Variants in SYN3 observed in about 807,000 individuals in gnomAD.
SYN3 encodes synapsin III.
SYN3 carries 35 observed loss-of-function variants against 65.8 expected under a neutral mutation model. That is an observed-to-expected ratio of 0.53 (90% CI 0.41 to 0.70). SYN3 has a LOEUF of 0.70. SYN3 is among the 30% of genes least tolerant of loss of function. The pLI is 0.00. For synonymous variants in SYN3, 270 were observed against 292.9 expected (o/e 0.92, Z 0.80); for missense variants, 680 against 749.0 (o/e 0.91, Z 1.08).
At chr22:32,612,721 A>C (rs1448962550) in intron 6 of SYN3, among the ~76,000 whole-genome samples, 2 of 152,298 alleles carry the variant, frequency 1.3e-5, no homozygotes, top group East Asian at 3.9e-4. Flanking sequence ...ACATGCCTGT[A>C]GTCCCAGCCA....
chr22:32,653,662 A>G (rs971184448), intron 6 of SYN3, among the ~76,000 whole-genome samples: 2 of 152,158 alleles, frequency 1.3e-5, no homozygotes, highest in African/African-American at 4.8e-5. Context: ...GTTGGGGGTC[A>G]GGAGGTAGGA....
In SYN3 at chr22:32,807,414, AC is replaced by A. The variant is rs1242300363; in HGVS notation, c.711+57500del. On this transcript the variant is annotated intron_variant, in intron 6 of 13. Transcript: ENST00000358763. ...TATATAATATATATATATTATATTT[AC>A]ATATATATTATATATATAATATATA... 1.4e-3 allele frequency among the ~76,000 whole-genome samples: 164 copies of A among 115,468 alleles called. 3 individuals carry two copies. In the East Asian group the frequency reaches 0.023, roughly 16 times the overall value. The allele number at this position is 115,468 out of a possible 152,430, so 75.8% of individuals were successfully genotyped here.
intron 6 of SYN3, among the ~76,000 whole-genome samples, chr22:32,613,677 G>A (rs2059477443): frequency 6.6e-6 from 1 of 152,190 alleles, no homozygotes; most frequent in South Asian, 2.1e-4. Flanking sequence ...ACAGATTGCC[G>A]AGAGCTCTGT....
At chr22:32,698,652 T>C (rs975543316) in intron 6 of SYN3, among the ~76,000 whole-genome samples, 6 of 152,348 alleles carry the variant, frequency 3.9e-5, no homozygotes, top group African/African-American at 1.4e-4. Flanking sequence ...TGGTGGATTA[T>C]TAGTTCTGTT....
chr22:32,604,256 G>T (rs1272782489), intron 6 of SYN3, among the ~76,000 whole-genome samples: 2 of 152,194 alleles, frequency 1.3e-5, no homozygotes, highest in Non-Finnish European at 2.9e-5. Context: ...ACTGAAGTCT[G>T]GGAAGACTTC....
intron 7 of SYN3, among the ~76,000 whole-genome samples, chr22:32,550,337 G>C (rs1454055635): frequency 6.9e-6 from 1 of 145,304 alleles, no homozygotes; most frequent in African/African-American, 2.6e-5. Flanking sequence ...GCACATGGTA[G>C]ATGTTCTATA....
intron 6 of SYN3, among the ~76,000 whole-genome samples, chr22:32,772,753 G>C (rs534418586): frequency 6.6e-6 from 1 of 152,234 alleles, no homozygotes; most frequent in South Asian, 2.1e-4. Context: ...CTGCAAGTCC[G>C]GGAATACTTG....
intron 4 of SYN3, among the ~76,000 whole-genome samples, chr22:32,886,317 C>T (rs570811963): frequency 1.3e-5 from 2 of 152,268 alleles, no homozygotes; most frequent in African/African-American, 4.8e-5. Context: ...TCTAGCTCTC[C>T]AAGCCTTGCG....
At chr22:32,961,922 C>A (rs1465135766) in intron 3 of SYN3, among the ~76,000 whole-genome samples, 1 of 152,150 alleles carries the variant, frequency 6.6e-6, no homozygotes, top group East Asian at 1.9e-4. Context: ...GAACCTTGAA[C>A]CACTCCCTTG....
chr22:32,814,316 AC>A (rs1204224711), intron 6 of SYN3, among the ~76,000 whole-genome samples: 1 of 5,396 alleles, frequency 1.9e-4, no homozygotes, highest in African/African-American at 5.4e-4. Flanking sequence ...AGAGAGAGAG[AC>A]AGAAAGAAAG....
rs552312629 is a variant in SYN3 at position 32,814,317 on chromosome 22, CAGAA to C, written c.711+50594_711+50597del. Among the ~76,000 whole-genome samples, 78 of 43,704 alleles carry C rather than the reference CAGAA, an allele frequency of 1.8e-3. 1 individual carries two copies. Among genetic ancestry groups the C allele is most frequent in the African/African-American group, 6.2e-3 (59 of 9,456 alleles). The allele number at this position is 43,704 out of a possible 152,430, so 28.7% of individuals were successfully genotyped here. ...GGAAGGAAGGAGAGAGAGAGAGAGACAGAAAGAAAGAAAGAAAGAAAGAGAAAGA... is the reference window on the plus strand; with the variant it reads ...GGAAGGAAGGAGAGAGAGAGAGAGACAGAAAGAAAGAAAGAAAGAGAAAGA... On this transcript the variant is annotated intron_variant, in intron 6 of 13. Coordinates refer to ENST00000358763, the MANE Select transcript of SYN3 (RefSeq NM_003490.4).
chr22:32,747,306 A>AAAACAAAACAAAACT, intron 6 of SYN3, among the ~76,000 whole-genome samples: 1 of 18,586 alleles, frequency 5.4e-5, no homozygotes, highest in Non-Finnish European at 1.4e-4. Flanking sequence ...TCCAAGACCA[A>AAAACAAAACAAAACT]AAACAAAACA....
At chr22:33,044,969 A>G (rs1262193638) in intron 1 of SYN3, among the ~76,000 whole-genome samples, 1 of 151,640 alleles carries the variant, frequency 6.6e-6, no homozygotes, top group Non-Finnish European at 1.5e-5. Flanking sequence ...CCGCCTCCCA[A>G]GTAGCTGGAA....
In SYN3 at chr22:32,593,131, C is replaced by T. The variant is rs539457713; in HGVS notation, c.774+3543G>A. ...TCAGCTATGAATATGACATCCTTTG[C>T]TTCATCAACTTGGTCGAGACTGTTA... is the stretch of plus-strand genomic sequence containing the variant. On this transcript the variant is annotated intron_variant, in intron 7 of 13. Coordinates refer to ENST00000358763, the MANE Select transcript of SYN3 (RefSeq NM_003490.4). Among the ~76,000 whole-genome samples, 20 of 152,320 alleles carry T rather than the reference C, an allele frequency of 1.3e-4. 1 individual carries two copies. The South Asian group carries it at 4.1e-3, about 32-fold the overall frequency.
chr22:32,870,609 C>A (rs1163066640), intron 4 of SYN3, among the ~76,000 whole-genome samples: 1 of 152,116 alleles, frequency 6.6e-6, no homozygotes, highest in East Asian at 1.9e-4. Context: ...AAAAAAGTTC[C>A]CTTTTTAAGG....
At position 33,041,883 on chromosome 22, in the gene SYN3, C is replaced by T. The variant is rs377111351; in HGVS notation, c.-163+16409G>A. The stretch of plus-strand genomic sequence containing the variant: ...TCCCCCTGCCAAAGGAAAGCTCAAA[C>T]CTCTCTCCCAGATCATGCTGTACTC... On this transcript the variant is annotated intron_variant, in intron 1 of 13. Transcript: ENST00000358763. 2.6e-5 allele frequency among the ~76,000 whole-genome samples: 4 copies of T among 152,274 alleles called. No homozygotes were observed. The East Asian group carries it at 7.7e-4, about 29-fold the overall frequency.
At chr22:32,951,878 G>A (rs538655414) in intron 3 of SYN3, among the ~76,000 whole-genome samples, 36 of 152,298 alleles carry the variant, frequency 2.4e-4, no homozygotes, top group African/African-American at 7.9e-4. Context: ...ATCTGTCAGC[G>A]AAGCCCATGG....
At chr22:33,026,158 G>GCCC (rs1304505664) in intron 1 of SYN3, among the ~76,000 whole-genome samples, 1 of 152,174 alleles carries the variant, frequency 6.6e-6, no homozygotes, top group Non-Finnish European at 1.5e-5. Context: ...TTTCATTCAT[G>GCCC]CCATTGGGGG....
At chr22:32,771,096 C>A (rs561274610) in intron 6 of SYN3, among the ~76,000 whole-genome samples, 1 of 151,940 alleles carries the variant, frequency 6.6e-6, no homozygotes, top group Non-Finnish European at 1.5e-5. Context: ...GTGTGATGTT[C>A]CCCTCCCTGT....
Sources: allele counts gnomAD v4.1 joint callset (sites outside exome capture counted in the v4.1 genomes callset), GRCh38; gene constraint gnomAD v4.1.1; transcripts MANE v1.5; gene names NCBI Gene and HGNC (gene_info 2026-07-23, HGNC 2026-07-21).